CPNE2: variants seen among roughly 807,000 people sequenced by gnomAD.
CPNE2 encodes copine-2.
CPNE2 carries 42 observed loss-of-function variants against 69.7 expected under a neutral mutation model. The ratio of observed to expected loss-of-function variants is 0.60; its 90% CI spans 0.47 to 0.78. The LOEUF (loss-of-function observed/expected upper bound fraction) is 0.78. CPNE2 is among the 30% of genes least tolerant of loss of function. The pLI is 0.00. For missense variants in CPNE2, 587 were observed against 732.0 expected, an observed-to-expected ratio of 0.80 and a Z score of 2.29; for synonymous variants, 294 against 289.8, an observed-to-expected ratio of 1.01 and a Z score of -0.15.
intron 11 of CPNE2, among the ~76,000 whole-genome samples, chr16:57,126,932 A>G (rs2069805044): frequency 6.6e-6 from 1 of 152,100 alleles, no homozygotes; most frequent in African/African-American, 2.4e-5. Flanking sequence ...TGCCCAGATC[A>G]TTTCATTAGC....
chr16:57,117,484 C>T lies in CPNE2; in HGVS notation c.436-12C>T, dbSNP rs776033839. The T allele has an allele frequency of 2.3e-5, 37 of 1,612,018 alleles. No individual in the cohort carries two copies. In the Admixed American group the frequency reaches 5.5e-4, roughly 24 times the overall value. On this transcript the variant is annotated splice_polypyrimidine_tract_variant and intron_variant, in intron 4 of 15. Transcript: ENST00000290776. The stretch of plus-strand genomic sequence containing the variant: ...GGGAGTCTGAGGAGCCCCTCATGTC[C>T]CGGCCTTACAGATCGCTGCCCAGGA...
rs1271645948 is a variant in CPNE2 at position 57,119,100 on chromosome 16, GA to G, written c.508-94del. 1.3e-5 allele frequency: 14 copies of G among 1,116,990 alleles called. No homozygotes were observed. In the East Asian group the frequency reaches 3.3e-4, roughly 26 times the overall value. 69.2% of individuals were successfully genotyped at this position (1,116,990 alleles called of 1,614,324 possible). A position where few individuals can be genotyped will look rare whatever the true frequency, so the allele number is the denominator to read the frequency against. ...TGGCTCTGCCCACAGCTCCTATCCTGACACCCGGCTGGGGAGGCAGCAGGGC... is the reference window on the plus strand; with the variant it reads ...TGGCTCTGCCCACAGCTCCTATCCTGCACCCGGCTGGGGAGGCAGCAGGGC... On this transcript the variant is annotated intron_variant, in intron 5 of 15. Transcript: ENST00000290776.
chr16:57,097,863 T>G (rs1409633684), intron 1 of CPNE2, among the ~76,000 whole-genome samples: 2 of 152,200 alleles, frequency 1.3e-5, no homozygotes, highest in Non-Finnish European at 2.9e-5. Flanking sequence ...ACTCAGAGTC[T>G]CCGGAGAGCC....
intron 8 of CPNE2, 70 bp downstream of exon 8, chr16:57,121,261 G>A: frequency 1.4e-6 from 2 of 1,383,636 alleles, no homozygotes; most frequent in South Asian, 1.3e-5. Flanking sequence ...CGGGTCTTGG[G>A]TCAGGCAGCC....
chr16:57,134,562 C>T (rs1039406266), intron 12 of CPNE2, among the ~76,000 whole-genome samples: 2 of 152,088 alleles, frequency 1.3e-5, no homozygotes, highest in South Asian at 2.1e-4. Context: ...GTTTCCTCCA[C>T]TATGAGGAGA....
intron 9 of CPNE2, 134 bp from the exon 10 acceptor site, chr16:57,123,280 G>A: frequency 2.4e-6 from 2 of 849,360 alleles, no homozygotes; most frequent in South Asian, 1.4e-5. Flanking sequence ...GGGTTTTGTT[G>A]TAATTAGATC....
Position 57,146,304 on chromosome 16 carries a change from T to C in CPNE2, c.1522T>C (p.Phe508Leu). The change falls in exon 15 of 16, where the codon TTT (phenylalanine) becomes CTT (leucine). Residue 508 changes from phenylalanine (F) to leucine (L), a missense_variant. Around this residue, in one of 5 missense-constraint regions of CPNE2, gnomAD observed 185 missense variants for 252.3 expected, o/e 0.73. Transcript: ENST00000290776. The surrounding 1 kb of genome is among the most constrained non-coding windows in gnomAD (Gnocchi z 4.4). Reference protein sequence around the residue: ...AARDIVQFVPFREFRNAAKET... With the variant: ...AARDIVQFVPLREFRNAAKET... The stretch of plus-strand genomic sequence containing the variant: ...CCGCGATATTGTGCAGTTCGTTCCC[T>C]TTCGAGAGTTCCGCAACGTGAGTGT... 2 of 1,552,200 alleles carry C rather than the reference T, an allele frequency of 1.3e-6. No homozygotes were observed. The highest frequency in any genetic ancestry group is 1.7e-6 in the Non-Finnish European group (2 of 1,146,600).
rs760316086 is a variant in CPNE2 at position 57,115,467 on chromosome 16, C to G, written c.361-9C>G. 4.4e-6 allele frequency: 7 copies of G among 1,607,200 alleles called. No individual in the cohort carries two copies. The highest frequency in any genetic ancestry group is 6.0e-6 in the Non-Finnish European group (7 of 1,176,312). ...CCTCACTGAGCGCCCTTTCTCCTCT[C>G]TCCCCTAGATCGTCTCCAGCAAGAA... is the stretch of plus-strand genomic sequence containing the variant. On this transcript the variant is annotated splice_polypyrimidine_tract_variant and intron_variant, in intron 3 of 15. Transcript: ENST00000290776.
chr16:57,141,959 A>C (rs1416891737), intron 14 of CPNE2: 1 of 152,230 alleles, frequency 6.6e-6, no homozygotes, highest in African/African-American at 2.4e-5. Context: ...TTGGGGAAGA[A>C]TATTTGGTGT....
chr16:57,146,442 T>C lies in CPNE2; in HGVS notation c.1539+121T>C. ...TCCTAGACTTCTCCACTCCATTGAC[T>C]ATGCTCTTCTGAGGGCCTGCCATGT... On this transcript the variant is annotated intron_variant, in intron 15 of 15. Transcript: ENST00000290776. This position sits in a 1 kb window ranked among gnomAD's most constrained non-coding sequence, Gnocchi z 4.4. 1.1e-6 allele frequency: 1 copy of C among 869,792 alleles called. No individual in the cohort carries two copies. Among genetic ancestry groups the C allele is most frequent in the Non-Finnish European group, 1.7e-6 (1 of 571,928 alleles). The allele number at this position is 869,792 out of a possible 1,614,324, so 53.9% of individuals were successfully genotyped here. A position where few individuals can be genotyped will look rare whatever the true frequency, so the allele number is the denominator to read the frequency against.
At chr16:57,121,791 G>C in intron 9 of CPNE2, 31 bp downstream of exon 9, 1 of 1,605,496 alleles carries the variant, frequency 6.2e-7, no homozygotes, top group Non-Finnish European at 8.5e-7. Flanking sequence ...ACGAGCCAGG[G>C]GCCAGGTTTC....
chr16:57,098,150 C>T (rs563369207), intron 1 of CPNE2, among the ~76,000 whole-genome samples: 7 of 152,242 alleles, frequency 4.6e-5, no homozygotes, highest in East Asian at 1.9e-4. Context: ...AGTGATTAAG[C>T]GGGCACTACA....
At chr16:57,123,888 G>C (rs779703626) in intron 10 of CPNE2, 23 of 214,428 alleles carry the variant, frequency 1.1e-4, no homozygotes, top group Non-Finnish European at 1.9e-4. Context: ...TTAGAACTTT[G>C]CATTTGCTGT....
chr16:57,126,913 A>G (rs1246165016), intron 11 of CPNE2, among the ~76,000 whole-genome samples: 1 of 152,202 alleles, frequency 6.6e-6, no homozygotes, highest in Non-Finnish European at 1.5e-5. Flanking sequence ...CTGAGCCACC[A>G]TCACTTTGTG....
At chr16:57,137,086 T>G in intron 13 of CPNE2, 63 bp from the exon 14 acceptor site, 37 of 1,583,152 alleles carry the variant, frequency 2.3e-5, no homozygotes, top group Non-Finnish European at 2.9e-5. Flanking sequence ...TCATCAGCAG[T>G]GAGATGAGAG....
intron 8 of CPNE2, among the ~76,000 whole-genome samples, chr16:57,121,395 G>C (rs184940170): frequency 6.6e-6 from 1 of 152,162 alleles, no homozygotes; most frequent in Admixed American, 6.5e-5. Context: ...TGATGCAGGC[G>C]AAGTGCCCAG....
chr16:57,101,656 A>AT (rs1336723300), intron 1 of CPNE2, among the ~76,000 whole-genome samples: 8 of 152,210 alleles, frequency 5.3e-5, no homozygotes, highest in Non-Finnish European at 1.0e-4. Context: ...GGGTGGCCAC[A>AT]TTGCAACTTC....
chr16:57,135,323 C>A (rs1350382023), intron 13 of CPNE2, among the ~76,000 whole-genome samples: 1 of 152,146 alleles, frequency 6.6e-6, no homozygotes, highest in Non-Finnish European at 1.5e-5. Context: ...TGTCTGTGTT[C>A]ATCCCCACCC....
chr16:57,123,444 A>C lies in CPNE2; in HGVS notation c.898A>C (p.Ile300Leu), dbSNP rs1008598279. The change falls in exon 10 of 16, where the codon ATC becomes CTC. Residue 300 changes from isoleucine to leucine, a missense_variant. Transcript: ENST00000290776. ...INRDYSFLDY[I>L]LGGCQLMFTV... ...CCGAGACTACTCCTTCCTTGACTACATCCTGGGAGGCTGCCAGCTCATGTT... is the reference window on the plus strand; with the variant it reads ...CCGAGACTACTCCTTCCTTGACTACCTCCTGGGAGGCTGCCAGCTCATGTT... 1 of 1,613,072 alleles carries C rather than the reference A, an allele frequency of 6.2e-7. No homozygotes were observed. Among genetic ancestry groups the C allele is most frequent in the Non-Finnish European group, 8.5e-7 (1 of 1,180,010 alleles).
Sources: allele counts gnomAD v4.1 joint callset (sites outside exome capture counted in the v4.1 genomes callset), GRCh38; gene constraint gnomAD v4.1.1; regional missense constraint gnomAD v4.1.1; non-coding constraint Gnocchi (gnomAD v3.1); transcripts MANE v1.5; gene names NCBI Gene and HGNC (gene_info 2026-07-23, HGNC 2026-07-21).